CTNND2: variants seen among roughly 807,000 people sequenced by gnomAD.
CTNND2 encodes the protein catenin delta 2.
In CTNND2, 22 loss-of-function variants were observed where a neutral mutation model predicts 144.4. That is an observed-to-expected ratio of 0.15 (90% CI 0.11 to 0.22). CTNND2 has a LOEUF of 0.22. CTNND2 is among the 10% of genes least tolerant of loss of function. The pLI is 1.00. For missense variants in CTNND2, 1,353 were observed against 1,618.8 expected (o/e 0.84, Z 2.82); for synonymous variants, 751 against 695.6 (o/e 1.08, Z -1.25).
At chr5:11,788,142 G>A (rs186852326) in intron 1 of CTNND2, among the ~76,000 whole-genome samples, 14 of 152,160 alleles carry the variant, frequency 9.2e-5, no homozygotes, top group East Asian at 1.9e-4. Context: ...TTGACCAACC[G>A]TAGCCTTAAA....
intron 2 of CTNND2, among the ~76,000 whole-genome samples, chr5:11,598,331 G>C (rs1779620633): frequency 6.6e-6 from 1 of 152,226 alleles, no homozygotes; most frequent in East Asian, 1.9e-4. Context: ...AACCAAGGGG[G>C]ATACGTGCTG....
chr5:11,200,146 T>C (rs1024837719), intron 10 of CTNND2, among the ~76,000 whole-genome samples: 6 of 152,148 alleles, frequency 3.9e-5, no homozygotes, highest in Non-Finnish European at 5.9e-5. Flanking sequence ...ACTGGAAGAA[T>C]TGACACAAGG....
chr5:11,330,147 A>C (rs1273946250), intron 9 of CTNND2, among the ~76,000 whole-genome samples: 4 of 151,898 alleles, frequency 2.6e-5, no homozygotes, highest in Non-Finnish European at 4.4e-5. Context: ...ATAGTGTAGG[A>C]TAATCAGACA....
At chr5:11,805,297 C>T (rs1791931133) in intron 1 of CTNND2, among the ~76,000 whole-genome samples, 1 of 152,034 alleles carries the variant, frequency 6.6e-6, no homozygotes, top group Non-Finnish European at 1.5e-5. Flanking sequence ...AATGTATATA[C>T]TCAGATTAGT....
intron 9 of CTNND2, among the ~76,000 whole-genome samples, chr5:11,279,999 TCAACC>T (rs1383095877): frequency 6.6e-6 from 1 of 152,126 alleles, no homozygotes; most frequent in East Asian, 1.9e-4. Context: ...GATTACAAAT[TCAACC>T]TGAAATTTGG....
chr5:11,245,451 A>G (rs72730955), intron 9 of CTNND2, among the ~76,000 whole-genome samples: 169 of 152,162 alleles, frequency 1.1e-3, no homozygotes, highest in Middle Eastern at 3.4e-3. Flanking sequence ...GCAGAGGGAG[A>G]CTGGACGCAG....
intron 9 of CTNND2, among the ~76,000 whole-genome samples, chr5:11,256,059 C>T (rs1248590391): frequency 1.3e-5 from 2 of 152,200 alleles, no homozygotes; most frequent in African/African-American, 4.8e-5. Context: ...ACTCCTTGTG[C>T]CTGTGTGCTC....
chr5:11,279,167 T>A (rs1362180741), intron 9 of CTNND2, among the ~76,000 whole-genome samples: 4 of 152,148 alleles, frequency 2.6e-5, no homozygotes, highest in Non-Finnish European at 1.5e-5. Context: ...GACAAATACC[T>A]GTTGATTTTA....
At chr5:11,359,353 C>G (rs188505868) in intron 8 of CTNND2, among the ~76,000 whole-genome samples, 1 of 152,298 alleles carries the variant, frequency 6.6e-6, no homozygotes, top group East Asian at 1.9e-4. Flanking sequence ...GTCATTTCTG[C>G]TGCAGTTCAC....
chr5:11,647,534 C>T (rs1782421009), intron 2 of CTNND2, among the ~76,000 whole-genome samples: 1 of 151,786 alleles, frequency 6.6e-6, no homozygotes, highest in East Asian at 2.0e-4. Context: ...CCCGCAAGCC[C>T]CTTCTATCTG....
At chr5:11,390,056 C>T (rs555406137) in intron 6 of CTNND2, among the ~76,000 whole-genome samples, 1 of 152,296 alleles carries the variant, frequency 6.6e-6, no homozygotes, top group Admixed American at 6.5e-5. Context: ...ACTTCTGATC[C>T]CCTGCATTTC....
chr5:11,066,321 C>T (rs748063484), intron 16 of CTNND2, among the ~76,000 whole-genome samples: 25 of 152,296 alleles, frequency 1.6e-4, no homozygotes, highest in East Asian at 3.9e-4. Context: ...TACAGGCATG[C>T]GCCACCGCGC....
chr5:11,221,569 A>C (rs1739795134), intron 10 of CTNND2, among the ~76,000 whole-genome samples: 1 of 152,230 alleles, frequency 6.6e-6, no homozygotes, highest in Admixed American at 6.5e-5. Flanking sequence ...TCATAACTGC[A>C]ATGAAATCTT....
intron 1 of CTNND2, among the ~76,000 whole-genome samples, chr5:11,778,687 A>T (rs1430883370): frequency 2.6e-5 from 4 of 152,220 alleles, no homozygotes; most frequent in Non-Finnish European, 5.9e-5. Flanking sequence ...CCTAACTAAA[A>T]GTAATGTGGT....
At chr5:11,765,475 A>G (rs1028592980) in intron 1 of CTNND2, among the ~76,000 whole-genome samples, 3 of 152,228 alleles carry the variant, frequency 2.0e-5, no homozygotes, top group Non-Finnish European at 4.4e-5. Context: ...AGAAAAGGAA[A>G]GCCAGGCCAG....
At chr5:11,619,794 A>G (rs1561627004) in intron 2 of CTNND2, among the ~76,000 whole-genome samples, 1 of 152,174 alleles carries the variant, frequency 6.6e-6, no homozygotes, top group Non-Finnish European at 1.5e-5. Context: ...CATCCCAGCT[A>G]GAGTCGTAAC....
At chr5:11,879,624 C>G (rs75319809) in intron 1 of CTNND2, among the ~76,000 whole-genome samples, 2 of 151,830 alleles carry the variant, frequency 1.3e-5, no homozygotes, top group Non-Finnish European at 2.9e-5. Context: ...CATTCTTTTT[C>G]TCTTATACAA....
intron 2 of CTNND2, among the ~76,000 whole-genome samples, chr5:11,623,407 T>TAA (rs1334960634): frequency 6.6e-6 from 1 of 152,052 alleles, no homozygotes; most frequent in East Asian, 1.9e-4. Flanking sequence ...GGTTTCCCCT[T>TAA]TCTCTTGGCC....
chr5:11,890,160 CT>C, intron 1 of CTNND2, among the ~76,000 whole-genome samples: 1 of 152,140 alleles, frequency 6.6e-6, no homozygotes, highest in Non-Finnish European at 1.5e-5. Flanking sequence ...CAGTCCACTA[CT>C]TTTTCTGAGA....
Sources: gnomAD v4.1 joint callset for allele counts (sites outside exome capture counted in the v4.1 genomes callset) on GRCh38, gnomAD v4.1.1 for gene constraint, MANE v1.5 for transcripts, NCBI Gene and HGNC (gene_info 2026-07-23, HGNC 2026-07-21) for gene names.